LMAN2: variants seen among roughly 807,000 people sequenced by gnomAD.
LMAN2 encodes the protein lectin, mannose binding 2.
LMAN2 carries 22 observed loss-of-function variants against 39.3 expected under a neutral mutation model. The observed-to-expected ratio is 0.56, with a 90% confidence interval of 0.40 to 0.80. LMAN2 has a LOEUF of 0.80. Ranked by LOEUF, LMAN2 falls within the 30% of genes least tolerant of loss-of-function variation. The probability of loss-of-function intolerance (pLI) is 0.00; values close to 1 mark genes in which losing one functional copy is unlikely to be tolerated. For synonymous variants in LMAN2, 207 were observed against 207.8 expected (o/e 1.00, Z 0.03); for missense variants, 494 against 505.4 (o/e 0.98, Z 0.22).
chr5:177,343,431 C>T (rs758899657), intron 2 of LMAN2, among the ~76,000 whole-genome samples: 1 of 149,712 alleles, frequency 6.7e-6, no homozygotes, highest in Non-Finnish European at 1.5e-5. Flanking sequence ...GGGTATATAC[C>T]CAAAAGAACT....
chr5:177,334,130 C>A (rs990963161), intron 7 of LMAN2, among the ~76,000 whole-genome samples, 154 bp downstream of exon 7: 3 of 152,250 alleles, frequency 2.0e-5, no homozygotes, highest in East Asian at 3.8e-4. Flanking sequence ...TCGGACAGGG[C>A]CAGCCAGTGC....
rs200706311 is a variant in LMAN2 at position 177,351,603 on chromosome 5, C to T, written c.45G>A (p.Arg15=). 1.2e-6 allele frequency: 2 copies of T among 1,609,836 alleles called. No homozygotes were observed. Among genetic ancestry groups the T allele is most frequent in the East Asian group, 2.2e-5 (1 of 44,844 alleles). The stretch of plus-strand genomic sequence containing the variant: ...CGAGAAGCCCAGGCCTTCCCAGGCA[C>T]CGCCGGCCCCAGCCCCAACGCCAAA... The part of the protein sequence containing the change: ...GWIWRWGWGR[R]CLGRPGLLGP... The change falls in exon 1 of 8, where the codon CGG becomes CGA. Residue 15 remains arginine, a synonymous_variant. Coordinates refer to ENST00000303127, the MANE Select transcript of LMAN2 (RefSeq NM_006816.3).
rs571226177 is a variant in LMAN2 at position 177,333,436 on chromosome 5, T to C, written c.910+848A>G. Among the ~76,000 whole-genome samples, 6 of 152,360 alleles carry C rather than the reference T, an allele frequency of 3.9e-5. No individual in the cohort carries two copies. In the East Asian group the frequency reaches 1.2e-3, roughly 29 times the overall value. ...GCAAACACCCAGCAGCTGGCAGCCT[T>C]CTGACCAAAGGTTGCAGCAAGGTTT... On this transcript the variant is annotated intron_variant, in intron 7 of 7. Coordinates refer to ENST00000303127, the MANE Select transcript of LMAN2 (RefSeq NM_006816.3).
At chr5:177,350,053 T>C (rs1761698293) in intron 2 of LMAN2, among the ~76,000 whole-genome samples, 1 of 152,166 alleles carries the variant, frequency 6.6e-6, no homozygotes, top group African/African-American at 2.4e-5. Context: ...TAATGCATGC[T>C]TACCCCTTCA....
intron 2 of LMAN2, among the ~76,000 whole-genome samples, chr5:177,341,893 A>G (rs1372803699): frequency 6.6e-6 from 1 of 152,240 alleles, no homozygotes; most frequent in Non-Finnish European, 1.5e-5. Context: ...TTGGTACAAC[A>G]TGAATGCCTG....
Position 177,336,992 on chromosome 5 carries a change from G to A in LMAN2, c.790+144C>T. Reference sequence around the variant, plus strand: ...ACCACAGGAACTGAGGCCCGGACAGGCCATTTACAGAAGAAAGGAGGAGGA... The same window carrying A: ...ACCACAGGAACTGAGGCCCGGACAGACCATTTACAGAAGAAAGGAGGAGGA... On this transcript the variant is annotated intron_variant, in intron 6 of 7. Coordinates refer to ENST00000303127, the MANE Select transcript of LMAN2 (RefSeq NM_006816.3). The A allele has an allele frequency of 7.7e-6, 5 of 651,622 alleles. No homozygotes were observed. In the South Asian group the frequency reaches 9.0e-5, roughly 12 times the overall value. 40.4% of individuals were successfully genotyped at this position (651,622 alleles called of 1,614,324 possible). A position where few individuals can be genotyped will look rare whatever the true frequency, so the allele number is the denominator to read the frequency against.
Position 177,338,074 on chromosome 5 carries a change from G to A in LMAN2, c.434-289C>T, listed in dbSNP as rs556268379. Among the ~76,000 whole-genome samples the A allele has an allele frequency of 1.4e-4, 22 of 152,254 alleles. No individual in the cohort carries two copies. In the East Asian group the frequency reaches 4.3e-3, roughly 29 times the overall value. Reference sequence around the variant, plus strand: ...GGCCTACAAAAAACAGTGAGCCACAGGACAGCCCTACCCAGGAGGCTCTAC... The same window carrying A: ...GGCCTACAAAAAACAGTGAGCCACAAGACAGCCCTACCCAGGAGGCTCTAC... On this transcript the variant is annotated intron_variant, in intron 3 of 7. Coordinates refer to ENST00000303127, the MANE Select transcript of LMAN2 (RefSeq NM_006816.3).
At chr5:177,348,073 T>G (rs534002580) in intron 2 of LMAN2, among the ~76,000 whole-genome samples, 1 of 152,310 alleles carries the variant, frequency 6.6e-6, no homozygotes, top group African/African-American at 2.4e-5. Context: ...CTTGTCTTAT[T>G]CTGACAGTAT....
intron 3 of LMAN2, 36 bp downstream of exon 3, chr5:177,338,452 C>T (rs1561604645): frequency 6.3e-7 from 1 of 1,577,482 alleles, no homozygotes; most frequent in South Asian, 1.1e-5. Flanking sequence ...CCCGTGCCCA[C>T]CCCCACAGGG....
intron 6 of LMAN2, among the ~76,000 whole-genome samples, chr5:177,335,827 C>T (rs1761460993): frequency 6.6e-6 from 1 of 152,218 alleles, no homozygotes; most frequent in African/African-American, 2.4e-5. Flanking sequence ...TGAGGATAAA[C>T]CGCCCATGTC....
rs192406966 is a variant in LMAN2, at chr5:177,332,531, C to G, written c.911-285G>C. Among the ~76,000 whole-genome samples the G allele has an allele frequency of 1.3e-5, 2 of 152,306 alleles. No individual in the cohort carries two copies. The highest frequency in any genetic ancestry group is 1.3e-4 in the Admixed American group (2 of 15,306). The stretch of plus-strand genomic sequence containing the variant: ...CTGCAGGAAGCCAGTTAAAACCAGA[C>G]TCCTGGGCTCCTCTGAGTCCAACTC... On this transcript the variant is annotated intron_variant, in intron 7 of 7. Transcript: ENST00000303127. This position sits in a 1 kb window ranked among gnomAD's most constrained non-coding sequence, Gnocchi z 6.3.
chr5:177,344,320 C>T (rs1365814750), intron 2 of LMAN2, among the ~76,000 whole-genome samples: 1 of 114,624 alleles, frequency 8.7e-6, no homozygotes, highest in Admixed American at 1.2e-4. Context: ...GAGTCTTGCT[C>T]TGTCGCCAGG....
rs775734491 is a variant in LMAN2, at chr5:177,337,559, C to G, written c.514-35G>C. On this transcript the variant is annotated intron_variant, in intron 4 of 7. Transcript: ENST00000303127. This position sits in a 1 kb window ranked among gnomAD's most constrained non-coding sequence, Gnocchi z 8.2. Reference sequence around the variant, plus strand: ...AGACATCGGTTACTCCACAAGCAGCCCAGCCTGTGGGGCGAGCAGGGGCAC... The same window carrying G: ...AGACATCGGTTACTCCACAAGCAGCGCAGCCTGTGGGGCGAGCAGGGGCAC... The G allele has an allele frequency of 6.2e-7, 1 of 1,610,500 alleles. No individual in the cohort carries two copies. Among genetic ancestry groups the G allele is most frequent in the Admixed American group, 1.7e-5 (1 of 59,948 alleles).
intron 2 of LMAN2, among the ~76,000 whole-genome samples, 157 bp downstream of exon 2, chr5:177,351,016 A>T (rs1294180168): frequency 3.3e-5 from 5 of 152,174 alleles, no homozygotes; most frequent in Non-Finnish European, 5.9e-5. Context: ...AGTACCCAAT[A>T]CCCATCGCCT....
At chr5:177,343,132 G>C (rs1196011991) in intron 2 of LMAN2, among the ~76,000 whole-genome samples, 1 of 152,076 alleles carries the variant, frequency 6.6e-6, no homozygotes, top group African/African-American at 2.4e-5. Context: ...GCAGGCACCT[G>C]TAGTCCCAGC....
At chr5:177,338,151 C>T (rs1473825736) in intron 3 of LMAN2, among the ~76,000 whole-genome samples, 1 of 152,130 alleles carries the variant, frequency 6.6e-6, no homozygotes, top group Non-Finnish European at 1.5e-5. Flanking sequence ...AAGGAAACAC[C>T]TCAGGGTCTG....
intron 7 of LMAN2, among the ~76,000 whole-genome samples, chr5:177,333,808 T>G (rs1051094975): frequency 6.6e-6 from 1 of 152,056 alleles, no homozygotes; most frequent in Non-Finnish European, 1.5e-5. Context: ...AATCTTGCTC[T>G]CTCTCTCCTT....
chr5:177,341,002 A>G lies in LMAN2; in HGVS notation c.316-2397T>C, dbSNP rs181064590. On this transcript the variant is annotated intron_variant, in intron 2 of 7. Transcript: ENST00000303127. ...GATCTCCTGACCTTGTGATCCGCCC[A>G]CCTCAGCCTCCCAAAGTGCTGAGAT... Among the ~76,000 whole-genome samples, 782 of 147,994 alleles carry G rather than the reference A, an allele frequency of 5.3e-3. 20 individuals carry two copies. The East Asian group carries it at 0.053, about 10-fold the overall frequency.
At position 177,332,350 on chromosome 5, in the gene LMAN2, C is replaced by A; in HGVS notation, c.911-104G>T. The A allele has an allele frequency of 9.0e-7, 1 of 1,115,046 alleles. No homozygotes were observed. Among genetic ancestry groups the A allele is most frequent in the Non-Finnish European group, 1.3e-6 (1 of 778,352 alleles). 69.1% of individuals were successfully genotyped at this position (1,115,046 alleles called of 1,614,324 possible). ...GAACAGGACAGCCGGCCACGGTGGG[C>A]AGGCCGGTCGTACTCACCCCCCTCA... On this transcript the variant is annotated intron_variant, in intron 7 of 7. Transcript: ENST00000303127. The surrounding 1 kb of genome is among the most constrained non-coding windows in gnomAD (Gnocchi z 6.3).
Sources: gnomAD v4.1 joint callset for allele counts (sites outside exome capture counted in the v4.1 genomes callset) on GRCh38, gnomAD v4.1.1 for gene constraint, Gnocchi (gnomAD v3.1) non-coding constraint, MANE v1.5 for transcripts, NCBI Gene and HGNC (gene_info 2026-07-23, HGNC 2026-07-21) for gene names.